DCLRE1B: variants seen among roughly 807,000 people sequenced by gnomAD.
DCLRE1B encodes DNA cross-link repair 1B, also known as 5' exonuclease Apollo.
DCLRE1B carries 6 observed loss-of-function variants against 19.8 expected under a neutral mutation model. The ratio of observed to expected loss-of-function variants is 0.30; its 90% CI spans 0.17 to 0.60. The LOEUF (loss-of-function observed/expected upper bound fraction) is 0.60, where lower values mean the gene tolerates loss of function less well. Ranked by LOEUF, DCLRE1B falls within the 20% of genes least tolerant of loss-of-function variation. DCLRE1B has a pLI of 0.87. For synonymous variants in DCLRE1B, 258 were observed against 255.7 expected (o/e 1.01, Z -0.09); for missense variants, 622 against 654.2 (o/e 0.95, Z 0.54).
At chr1:113,906,893 A>C in intron 1 of DCLRE1B, 103 bp from the exon 2 acceptor site, 1 of 1,348,038 alleles carries the variant, frequency 7.4e-7, no homozygotes, top group Non-Finnish European at 1.0e-6. Flanking sequence ...CCGGTGGCTC[A>C]GGATTTGGTC....
chr1:113,905,103 T>C (rs1287331103), upstream of DCLRE1B: 1 of 361,540 alleles, frequency 2.8e-6, no homozygotes, highest in Non-Finnish European at 5.3e-6. Context: ...ATAGGCCCAA[T>C]CTTGCTTTCT....
rs1255196976 is a variant in DCLRE1B at position 113,912,790 on chromosome 1, G to A, written c.*599G>A. 2 of 152,388 alleles carry A rather than the reference G, an allele frequency of 1.3e-5. No homozygotes were observed. The highest frequency in any genetic ancestry group is 2.9e-5 in the Non-Finnish European group (2 of 68,090). 9.4% of individuals were successfully genotyped at this position (152,388 alleles called of 1,614,324 possible). A position where few individuals can be genotyped will look rare whatever the true frequency, so the allele number is the denominator to read the frequency against. On this transcript the variant is annotated 3_prime_UTR_variant, in exon 4 of 4. Transcript: ENST00000650450. The stretch of plus-strand genomic sequence containing the variant: ...GGAGGGAACAGGAAGCGATGAAGAG[G>A]TCTTGGAACAGTAGTGAAAATTCTA...
In DCLRE1B at chr1:113,908,189, T is replaced by C. The variant is rs1182814776; in HGVS notation, c.536T>C (p.Ile179Thr). The C allele has an allele frequency of 1.2e-6, 2 of 1,612,692 alleles. No individual in the cohort carries two copies. Among genetic ancestry groups the C allele is most frequent in the Non-Finnish European group, 1.7e-6 (2 of 1,179,360 alleles). ...IRKHPQHNIKIGLYSLGKESL... is the reference protein window; with the variant it reads ...IRKHPQHNIKTGLYSLGKESL... ...AAACACCCACAACATAACATAAAGA[T>C]TGGTGAGTTGTTTCCTTTCAGTTTC... Residue 179 changes from isoleucine to threonine, a missense_variant and splice_region_variant, in exon 3 of 4, where the codon ATT becomes ACT. Transcript: ENST00000650450.
chr1:113,912,600 TGTG>T lies in DCLRE1B; in HGVS notation c.*413_*415del, dbSNP rs1669307547. The stretch of plus-strand genomic sequence containing the variant: ...GACCAGGTTATTGCTGTTGCTGTTT[TGTG>T]GTGTCATGAGCCATTCTCCATGTCC... On this transcript the variant is annotated 3_prime_UTR_variant, in exon 4 of 4. Transcript: ENST00000650450. 2 of 157,942 alleles carry T rather than the reference TGTG, an allele frequency of 1.3e-5. No homozygotes were observed. The allele number at this position is 157,942 out of a possible 1,614,324, so 9.8% of individuals were successfully genotyped here. A position where few individuals can be genotyped will look rare whatever the true frequency, so the allele number is the denominator to read the frequency against.
intron 2 of DCLRE1B, 147 bp from the exon 3 acceptor site, chr1:113,907,862 A>G (rs1669097129): frequency 6.3e-6 from 5 of 794,670 alleles, no homozygotes; most frequent in East Asian, 5.3e-5. Flanking sequence ...GAAACCATGC[A>G]GCTATACTGC....
At chr1:113,905,022 T>C (rs1293028079), upstream of DCLRE1B, 1 of 423,292 alleles carries the variant, frequency 2.4e-6, no homozygotes, top group Non-Finnish European at 4.5e-6. Context: ...CAGCGCCGCG[T>C]CCGACTGACC....
At position 113,905,637 on chromosome 1, in the gene DCLRE1B, C is replaced by T. The variant is rs761541792; in HGVS notation, c.51C>T (p.Ser17=). The change falls in exon 1 of 4, where the codon AGC becomes AGT. Residue 17 remains serine, a synonymous_variant. Coordinates refer to ENST00000650450, the MANE Select transcript of DCLRE1B (RefSeq NM_022836.4). ...PHTPIAVDFW[S]LRRAGTARLF... ...CGCCCATCGCAGTGGACTTCTGGAGCCTGCGCCGGGCTGGCACCGCACGTC... is the reference window on the plus strand; with the variant it reads ...CGCCCATCGCAGTGGACTTCTGGAGTCTGCGCCGGGCTGGCACCGCACGTC... The T allele has an allele frequency of 6.2e-7, 1 of 1,614,154 alleles. No individual in the cohort carries two copies. The highest frequency in any genetic ancestry group is 1.1e-5 in the South Asian group (1 of 91,078).
chr1:113,907,209 T>TTTTTTTTTTG (rs1669060921), intron 2 of DCLRE1B, 48 bp downstream of exon 2: 1 of 729,456 alleles, frequency 1.4e-6, no homozygotes, highest in African/African-American at 2.8e-5. Context: ...TAGATGTTTT[T>TTTTTTTTTTG]TTTTTTTTTT....
chr1:113,911,856 G>T lies in DCLRE1B; in HGVS notation c.1264G>T (p.Val422Leu), dbSNP rs1669273483. 1 of 1,614,240 alleles carries T rather than the reference G, an allele frequency of 6.2e-7. No homozygotes were observed. The highest frequency in any genetic ancestry group is 2.2e-5 in the East Asian group (1 of 44,886). ...AVPFCESQKR[V>L]TMLTAPLGFS... ...GCCTTTCTGTGAGTCTCAAAAGAGG[G>T]TGACTATGTTGACGGCCCCACTGGG... Residue 422 changes from valine (V) to leucine (L), a missense_variant, in exon 4 of 4, where the codon GTG (valine) becomes TTG (leucine). Around this residue, in one of 3 missense-constraint regions of DCLRE1B, gnomAD observed 382 missense variants for 412.5 expected, o/e 0.93. Coordinates refer to ENST00000650450, the MANE Select transcript of DCLRE1B (RefSeq NM_022836.4).
In DCLRE1B at chr1:113,905,382, T is replaced by C. The variant is rs1668853977; in HGVS notation, c.-205T>C. 2 of 597,928 alleles carry C rather than the reference T, an allele frequency of 3.3e-6. No individual in the cohort carries two copies. The highest frequency in any genetic ancestry group is 5.7e-6 in the Non-Finnish European group (2 of 350,970). 37.0% of individuals were successfully genotyped at this position (597,928 alleles called of 1,614,324 possible). A position where few individuals can be genotyped will look rare whatever the true frequency, so the allele number is the denominator to read the frequency against. On this transcript the variant is annotated 5_prime_UTR_variant, in exon 1 of 4. Coordinates refer to ENST00000650450, the MANE Select transcript of DCLRE1B (RefSeq NM_022836.4). ...GCGCGGTTGGGAGTGTCCAGCGCCC[T>C]CCGCGATTTGGGCTCCAGCGGGCAG...
In DCLRE1B at chr1:113,908,014, T is replaced by C; in HGVS notation, c.361T>C (p.Phe121Leu). ...CCATGTACATATTCCTCCAGGTGAT[T>C]TTCGATACACACCATCCATGCTAAA... is the stretch of plus-strand genomic sequence containing the variant. Reference protein sequence around the residue: ...YFGTILYTGDFRYTPSMLKEP... With the variant: ...YFGTILYTGDLRYTPSMLKEP... The change falls in exon 3 of 4, where the codon TTT (phenylalanine) becomes CTT (leucine). Residue 121 changes from phenylalanine (F) to leucine (L), a missense_variant. Coordinates refer to ENST00000650450, the MANE Select transcript of DCLRE1B (RefSeq NM_022836.4). 1 of 1,613,278 alleles carries C rather than the reference T, an allele frequency of 6.2e-7. No individual in the cohort carries two copies. Among genetic ancestry groups the C allele is most frequent in the South Asian group, 1.1e-5 (1 of 90,954 alleles).
chr1:113,905,523 A>C lies in DCLRE1B; in HGVS notation c.-64A>C, dbSNP rs937295484. 6 of 1,544,878 alleles carry C rather than the reference A, an allele frequency of 3.9e-6. No homozygotes were observed. Among genetic ancestry groups the C allele is most frequent in the Non-Finnish European group, 4.4e-6 (5 of 1,129,468 alleles). Reference sequence around the variant, plus strand: ...GACTTTTATCGGGACGCCGTTGTGGAAGCCTCACGCAGGAGCCCTGCCCCC... The same window carrying C: ...GACTTTTATCGGGACGCCGTTGTGGCAGCCTCACGCAGGAGCCCTGCCCCC... On this transcript the variant is annotated 5_prime_UTR_variant, in exon 1 of 4. Transcript: ENST00000650450.
Position 113,905,546 on chromosome 1 carries a change from C to G in DCLRE1B, c.-41C>G, listed in dbSNP as rs758971542. On this transcript the variant is annotated 5_prime_UTR_variant, in exon 1 of 4. Coordinates refer to ENST00000650450, the MANE Select transcript of DCLRE1B (RefSeq NM_022836.4). ...GGAAGCCTCACGCAGGAGCCCTGCC[C>G]CCGTGGAGAAGATCCCACTGGTGAC... 1 of 1,599,638 alleles carries G rather than the reference C, an allele frequency of 6.3e-7. No individual in the cohort carries two copies. Among genetic ancestry groups the G allele is most frequent in the East Asian group, 2.2e-5 (1 of 44,668 alleles).
chr1:113,912,206 AGAAT>A lies in DCLRE1B; in HGVS notation c.*18_*21del, dbSNP rs780794074. The stretch of plus-strand genomic sequence containing the variant: ...AACCCTGCTGAAGACAGGAGAGTAC[AGAAT>A]GACAACATTGAGCCCACACTGCAGT... On this transcript the variant is annotated 3_prime_UTR_variant, in exon 4 of 4. Transcript: ENST00000650450. 1 of 1,586,126 alleles carries A rather than the reference AGAAT, an allele frequency of 6.3e-7. No homozygotes were observed. Among genetic ancestry groups the A allele is most frequent in the Non-Finnish European group, 8.6e-7 (1 of 1,167,150 alleles).
upstream of DCLRE1B, chr1:113,904,643 A>C: frequency 6.2e-7 from 1 of 1,613,724 alleles, no homozygotes. Context: ...AGCGCAGCCT[A>C]TCAGCTTGAA....
At chr1:113,904,998 C>T (rs1250961426), upstream of DCLRE1B, 1 of 448,138 alleles carries the variant, frequency 2.2e-6, no homozygotes, top group Non-Finnish European at 4.2e-6. Context: ...CTTCTAGGTC[C>T]TCCGCCGGAT....
chr1:113,906,495 C>CTT (rs142277855), intron 1 of DCLRE1B, among the ~76,000 whole-genome samples: 45,231 of 141,492 alleles, frequency 0.32, 8,532 homozygotes, highest in East Asian at 0.76. Context: ...TTGCTGAACT[C>CTT]TTTTTTTTTT....
At chr1:113,906,210 C>T (rs953643269) in intron 1 of DCLRE1B, among the ~76,000 whole-genome samples, 2 of 151,804 alleles carry the variant, frequency 1.3e-5, no homozygotes, top group East Asian at 3.9e-4. Flanking sequence ...GCGCACGCCA[C>T]CACGCCCAGC....
intron 1 of DCLRE1B, 88 bp downstream of exon 1, chr1:113,905,863 G>A: frequency 7.0e-7 from 1 of 1,429,986 alleles, no homozygotes; most frequent in Non-Finnish European, 9.3e-7. Context: ...TAGAATGGGG[G>A]CCACGAAAAC....
Sources: gnomAD v4.1 joint callset for allele counts (sites outside exome capture counted in the v4.1 genomes callset) on GRCh38, gnomAD v4.1.1 for gene constraint, gnomAD v4.1.1 regional missense constraint, MANE v1.5 for transcripts, NCBI Gene and HGNC (gene_info 2026-07-23, HGNC 2026-07-21) for gene names.